TTN: variants seen among roughly 807,000 people sequenced by gnomAD.
TTN encodes connectin.
In TTN, 1,525 loss-of-function variants were observed where a neutral mutation model predicts 3,223.0. The ratio of observed to expected loss-of-function variants is 0.47; its 90% CI spans 0.45 to 0.49. The LOEUF (loss-of-function observed/expected upper bound fraction) is 0.49, where lower values mean the gene tolerates loss of function less well. TTN is among the 20% of genes least tolerant of loss of function. TTN has a pLI of 0.00. For missense variants in TTN, 40,786 were observed against 43,424.0 expected (o/e 0.94, Z 5.40); for synonymous variants, 14,094 against 15,161.0 (o/e 0.93, Z 5.17).
chr2:178,729,451 A>T lies in TTN; in HGVS notation c.18705T>A (p.Asn6235Lys), dbSNP rs766055257. ...TPPFEVTWLKNNREIRSSKKY... is the reference protein window; with the variant it reads ...TPPFEVTWLKKNREIRSSKKY... ...TTTTGCTGCTTCGAATTTCCCTGTTATTCTTCAGCCAAGTGACTTCAAACG... is the reference window on the plus strand; with the variant it reads ...TTTTGCTGCTTCGAATTTCCCTGTTTTTCTTCAGCCAAGTGACTTCAAACG... Residue 6235 changes from asparagine (N) to lysine (K), a missense_variant, in exon 64 of 363, where the codon AAT becomes AAA. Asn to Lys is a moderately conservative substitution (Grantham distance 94, BLOSUM62 0). Coordinates refer to ENST00000589042, the MANE Select transcript of TTN (RefSeq NM_001267550.2). 3.7e-6 allele frequency: 6 copies of T among 1,613,438 alleles called. No homozygotes were observed. The highest frequency in any genetic ancestry group is 4.2e-6 in the Non-Finnish European group (5 of 1,179,618).
chr2:178,568,409 A>T lies in TTN; in HGVS notation c.77723T>A (p.Ile25908Asn). Reference protein sequence around the residue: ...VKFDDVSAESITLSWNPPLYT... With the variant: ...VKFDDVSAESNTLSWNPPLYT... Reference sequence around the variant, plus strand: ...TAATGGAGGGTTCCAAGATAATGTAATACTTTCAGCACTGACGTCATCAAA... The same window carrying T: ...TAATGGAGGGTTCCAAGATAATGTATTACTTTCAGCACTGACGTCATCAAA... Residue 25908 changes from isoleucine to asparagine, a missense_variant, in exon 326 of 363, where the codon ATT (isoleucine) becomes AAT (asparagine). Coordinates refer to ENST00000589042, the MANE Select transcript of TTN (RefSeq NM_001267550.2). The T allele has an allele frequency of 8.7e-6, 14 of 1,613,208 alleles. No homozygotes were observed. Among genetic ancestry groups the T allele is most frequent in the Non-Finnish European group, 1.2e-5 (14 of 1,179,564 alleles).
rs1236257360 is a variant in TTN at position 178,528,150 on chromosome 2, T to G, written c.107377+124A>C. ...ACTACAAGAATGAATTCACATCAGT[T>G]GGCTGTCCCTCTTTCACATGGAATT... is the stretch of plus-strand genomic sequence containing the variant. On this transcript the variant is annotated intron_variant, in intron 361 of 362. Transcript: ENST00000589042. 6.4e-6 allele frequency: 7 copies of G among 1,090,988 alleles called. No homozygotes were observed. The East Asian group carries it at 1.0e-4, about 16-fold the overall frequency. 67.6% of individuals were successfully genotyped at this position (1,090,988 alleles called of 1,614,324 possible).
Position 178,538,601 on chromosome 2 carries a change from C to G in TTN, c.99228G>C (p.Glu33076Asp), listed in dbSNP as rs1304767671. Residue 33076 changes from glutamate to aspartate, a missense_variant, in exon 354 of 363, where the codon GAG (glutamate) becomes GAC (aspartate). Glu to Asp is a conservative substitution (Grantham distance 45, BLOSUM62 2). Coordinates refer to ENST00000589042, the MANE Select transcript of TTN (RefSeq NM_001267550.2). The stretch of plus-strand genomic sequence containing the variant: ...GAGGTCTGCTCAGCCCAGTCTCATT[C>G]TCAGCAAAAACCCTGAATTCATACT... ...ATEYEFRVFAENETGLSRPRR... is the reference protein window; with the variant it reads ...ATEYEFRVFADNETGLSRPRR... 9 of 1,613,620 alleles carry G rather than the reference C, an allele frequency of 5.6e-6. No homozygotes were observed. Among genetic ancestry groups the G allele is most frequent in the Admixed American group, 1.7e-5 (1 of 59,988 alleles).
At chr2:178,674,866 A>C (rs1325093268) in intron 150 of TTN, among the ~76,000 whole-genome samples, 173 bp downstream of exon 150, 1 of 151,912 alleles carries the variant, frequency 6.6e-6, no homozygotes, top group Non-Finnish European at 1.5e-5. Context: ...ATGCAAAGAG[A>C]TTCAAATAAT....
At position 178,550,222 on chromosome 2, in the gene TTN, T is replaced by C. The variant is rs1553536395; in HGVS notation, c.91616A>G (p.Lys30539Arg). 8 of 1,613,574 alleles carry C rather than the reference T, an allele frequency of 5.0e-6. No individual in the cohort carries two copies. Among genetic ancestry groups the C allele is most frequent in the Non-Finnish European group, 6.8e-6 (8 of 1,179,654 alleles). Residue 30539 changes from lysine to arginine, a missense_variant, in exon 337 of 363, where the codon AAG becomes AGG. Coordinates refer to ENST00000589042, the MANE Select transcript of TTN (RefSeq NM_001267550.2). ...GPEYFDGLIIKSGESLRIKAL... is the reference protein window; with the variant it reads ...GPEYFDGLIIRSGESLRIKAL... ...TTTAATTCTAAGGCTCTCTCCGGAC[T>C]TAATAATGAGACCATCAAAGTATTC...
Position 178,582,075 on chromosome 2 carries a change from C to G in TTN, c.66294G>C (p.Gln22098His). The G allele has an allele frequency of 6.2e-7, 1 of 1,613,216 alleles. No individual in the cohort carries two copies. The highest frequency in any genetic ancestry group is 8.5e-7 in the Non-Finnish European group (1 of 1,179,472). The change falls in exon 315 of 363, where the codon CAG (glutamine) becomes CAC (histidine). Residue 22098 changes from glutamine (Q) to histidine (H), a missense_variant. Gln to His is a conservative substitution (Grantham distance 24, BLOSUM62 0). Coordinates refer to ENST00000589042, the MANE Select transcript of TTN (RefSeq NM_001267550.2). ...TGTTGACCTTAGTCCAGTTAACAGC[C>G]TGGGTTTCCCGCTTTTCAAGCAAAT... ...TGYLLEKRET[Q>H]AVNWTKVNRK...
chr2:178,575,416 T>A lies in TTN; in HGVS notation c.70716A>T (p.Gln23572His). The A allele has an allele frequency of 6.2e-7, 1 of 1,613,632 alleles. No homozygotes were observed. The highest frequency in any genetic ancestry group is 1.1e-5 in the South Asian group (1 of 91,074). Residue 23572 changes from glutamine (Q) to histidine (H), a missense_variant, in exon 326 of 363, where the codon CAA (glutamine) becomes CAT (histidine). Transcript: ENST00000589042. This position sits in a 1 kb window ranked among gnomAD's most constrained non-coding sequence, Gnocchi z 4.0. ...GGGTCCACTGGTCAGAGCCTTTTCTTTGGGCTTCAATCACATAGCCAGTGA... is the reference window on the plus strand; with the variant it reads ...GGGTCCACTGGTCAGAGCCTTTTCTATGGGCTTCAATCACATAGCCAGTGA... ...SKITGYVIEA[Q>H]RKGSDQWTHI...
At chr2:178,763,191 T>G (rs921249094) in intron 43 of TTN, among the ~76,000 whole-genome samples, 1 of 152,186 alleles carries the variant, frequency 6.6e-6, no homozygotes, top group African/African-American at 2.4e-5. Flanking sequence ...AGACAATCAG[T>G]TATGACTTGA....
chr2:178,749,200 T>C, intron 47 of TTN: 1 of 1,611,164 alleles, frequency 6.2e-7, no homozygotes, highest in Non-Finnish European at 8.5e-7. Flanking sequence ...TACCAAGTTT[T>C]CCAAAATTAT....
chr2:178,732,578 T>C lies in TTN; in HGVS notation c.16483A>G (p.Ser5495Gly). 1 of 1,613,662 alleles carries C rather than the reference T, an allele frequency of 6.2e-7. No homozygotes were observed. Among genetic ancestry groups the C allele is most frequent in the Non-Finnish European group, 8.5e-7 (1 of 1,179,724 alleles). Residue 5495 changes from serine (S) to glycine (G), a missense_variant, in exon 56 of 363, where the codon AGC (serine) becomes GGC (glycine). Physicochemically the swap from Ser to Gly is moderately conservative, Grantham distance 56 (BLOSUM62 0). Coordinates refer to ENST00000589042, the MANE Select transcript of TTN (RefSeq NM_001267550.2). ...KGNKELVSGGSCYITKEALES... is the reference protein window; with the variant it reads ...KGNKELVSGGGCYITKEALES... Reference sequence around the variant, plus strand: ...AAAGCTTCTTTGGTAATATAGCAGCTTCCACCAGAAACCAGCTCTTTGTTG... The same window carrying C: ...AAAGCTTCTTTGGTAATATAGCAGCCTCCACCAGAAACCAGCTCTTTGTTG...
chr2:178,735,682 TC>T lies in TTN; in HGVS notation c.14763del (p.Trp4921Ter). The T allele has an allele frequency of 1.2e-6, 2 of 1,613,804 alleles. No homozygotes were observed. Among genetic ancestry groups the T allele is most frequent in the Non-Finnish European group, 1.7e-6 (2 of 1,179,816 alleles). On this transcript the variant is annotated frameshift_variant, in exon 50 of 363. Transcript: ENST00000589042. LOFTEE classifies it high-confidence loss of function. The stretch of plus-strand genomic sequence containing the variant: ...GGGGGGAGTTTTTGCCCATCTTTGC[TC>T]CACGTAACTGTGACTTTTCTGTCTT... ...VDEDRKVTVT[W>X]SKDGQKLPPG...
At position 178,724,470 on chromosome 2, in the gene TTN, A is replaced by G. The variant is rs368762020; in HGVS notation, c.20905T>C (p.Cys6969Arg). ...AGTTCCGGAGTGCCAGCCACCTTAC[A>G]CTCCAGAGTGCACGTTTCTCCTACA... ...VTVGETCTLE[C>R]KVAGTPELSV... The change falls in exon 72 of 363, where the codon TGT becomes CGT. Residue 6969 changes from cysteine (C) to arginine (R), a missense_variant. By Grantham distance (180) the Cys-to-Arg change is radical. Transcript: ENST00000589042. The G allele has an allele frequency of 1.4e-5, 22 of 1,612,616 alleles. 1 individual carries two copies. In the South Asian group the frequency reaches 2.4e-4, roughly 18 times the overall value.
In TTN at chr2:178,540,141, G is replaced by A; in HGVS notation, c.98025C>T (p.Val32675=). 1 of 1,613,290 alleles carries A rather than the reference G, an allele frequency of 6.2e-7. No homozygotes were observed. The highest frequency in any genetic ancestry group is 2.2e-5 in the East Asian group (1 of 44,860). Residue 32675 remains valine, a synonymous_variant, in exon 351 of 363, where the codon GTC becomes GTT. Transcript: ENST00000589042. ...CAGGTCCACCAGCATTACAAGCTAG[G>A]ACGCGGAACCTGTATTCTGCACCCT... ...LPQGAEYRFR[V]LACNAGGPGE...
rs963114946 is a variant in TTN at position 178,538,319 on chromosome 2, C to G, written c.99289+221G>C. ...AACCATTGCATTAGAGGGAATTACTCAAGGAAAGTGCTCAGTTCACTCCAT... is the reference window on the plus strand; with the variant it reads ...AACCATTGCATTAGAGGGAATTACTGAAGGAAAGTGCTCAGTTCACTCCAT... On this transcript the variant is annotated intron_variant, in intron 354 of 362. Transcript: ENST00000589042. The G allele has an allele frequency of 1.6e-5, 8 of 500,958 alleles. No individual in the cohort carries two copies. The East Asian group carries it at 2.5e-4, about 16-fold the overall frequency. 31.0% of individuals were successfully genotyped at this position (500,958 alleles called of 1,614,324 possible). A position where few individuals can be genotyped will look rare whatever the true frequency, so the allele number is the denominator to read the frequency against.
At chr2:178,795,514 T>C (rs561313931) in intron 6 of TTN, among the ~76,000 whole-genome samples, 2 of 144,730 alleles carry the variant, frequency 1.4e-5, no homozygotes, top group South Asian at 2.1e-4. Context: ...CCTTCTCACA[T>C]TAAAAAAAAA....
At position 178,630,821 on chromosome 2, in the gene TTN, C is replaced by T. The variant is rs1476356250; in HGVS notation, c.44137G>A (p.Ala14713Thr). The T allele has an allele frequency of 2.5e-6, 4 of 1,612,790 alleles. No homozygotes were observed. Among genetic ancestry groups the T allele is most frequent in the African/African-American group, 1.3e-5 (1 of 74,838 alleles). The change falls in exon 238 of 363, where the codon GCC (alanine) becomes ACC (threonine). Residue 14713 changes from alanine to threonine, a missense_variant. Transcript: ENST00000589042. Reference protein sequence around the residue: ...IHANWKLKGEALLQTPDCEIK... With the variant: ...IHANWKLKGETLLQTPDCEIK... ...AGCCTTACAGGTGTTTGGAGTAGGGCCTCTCCCTTGAGTTTCCAGTTGGCG... is the reference window on the plus strand; with the variant it reads ...AGCCTTACAGGTGTTTGGAGTAGGGTCTCTCCCTTGAGTTTCCAGTTGGCG...
At chr2:178,764,350 A>G in intron 42 of TTN, 48 bp from the exon 43 acceptor site, 2 of 1,613,066 alleles carry the variant, frequency 1.2e-6, no homozygotes, top group African/African-American at 2.7e-5. Flanking sequence ...CACCATAGAG[A>G]CCTCACAGAA....
In TTN at chr2:178,672,621, AAG is replaced by A; in HGVS notation, c.34855+12_34855+13del. On this transcript the variant is annotated intron_variant, in intron 153 of 362. Coordinates refer to ENST00000589042, the MANE Select transcript of TTN (RefSeq NM_001267550.2). ...AGACAGAAGAGGAAGTCAGGTTTAA[AAG>A]AGAAGATGTACCTTTGGCTGGGGGT... The A allele has an allele frequency of 6.2e-7, 1 of 1,611,878 alleles. No individual in the cohort carries two copies. The highest frequency in any genetic ancestry group is 8.5e-7 in the Non-Finnish European group (1 of 1,178,540).
At chr2:178,719,886 G>A (rs2078072850) in intron 81 of TTN, 54 bp from the exon 82 acceptor site, 23 of 1,558,174 alleles carry the variant, frequency 1.5e-5, no homozygotes, top group Non-Finnish European at 2.0e-5. Context: ...AAACTCAAGA[G>A]TGCAATCACT....
Sources: gnomAD v4.1 joint callset for allele counts (sites outside exome capture counted in the v4.1 genomes callset) on GRCh38, gnomAD v4.1.1 for gene constraint, Gnocchi (gnomAD v3.1) non-coding constraint, MANE v1.5 for transcripts, NCBI Gene and HGNC (gene_info 2026-07-23, HGNC 2026-07-21) for gene names.